DHX30: variants seen among roughly 807,000 people sequenced by gnomAD.
DHX30 encodes the protein DExH-box helicase 30.
A neutral mutation model predicts 116.9 loss-of-function variants in DHX30; 4 were observed. The ratio of observed to expected loss-of-function variants is 0.03; its 90% confidence interval spans 0.02 to 0.08. The LOEUF is 0.08. DHX30 is among the 10% of genes least tolerant of loss of function. The pLI is 1.00. For synonymous variants in DHX30, 697 were observed against 651.7 expected (o/e 1.07, Z -1.06); for missense variants, 871 against 1,595.1 (o/e 0.55, Z 7.73).
chr3:47,808,286 A>C (rs937630741), intron 2 of DHX30, among the ~76,000 whole-genome samples: 1 of 151,408 alleles, frequency 6.6e-6, no homozygotes, highest in Non-Finnish European at 1.5e-5. Context: ...GCGTGATCAC[A>C]GCTCACTGTA....
At chr3:47,816,581 C>A in intron 3 of DHX30, 1 of 975,082 alleles carries the variant, frequency 1.0e-6, no homozygotes, top group African/African-American at 1.8e-5. Flanking sequence ...TGGTCTCGAT[C>A]TCTTGACCTT....
chr3:47,841,310 T>G, intron 7 of DHX30, 132 bp downstream of exon 7: 1 of 1,341,062 alleles, frequency 7.5e-7, no homozygotes, highest in Non-Finnish European at 1.0e-6. Context: ...GCCCCATCAC[T>G]CAGTGTGTGT....
chr3:47,832,411 T>C lies in DHX30; in HGVS notation c.366+3277T>C, dbSNP rs2036901983. ...TATGTTGTCTAGGCAGGTCTTGAAC[T>C]CCAGAGCTCCTGCCTCAGCTTCCAG... On this transcript the variant is annotated intron_variant, in intron 6 of 21. Coordinates refer to ENST00000445061, the MANE Select transcript of DHX30 (RefSeq NM_138615.3). 2.0e-5 allele frequency among the ~76,000 whole-genome samples: 3 copies of C among 152,268 alleles called. No individual in the cohort carries two copies. In the South Asian group the frequency reaches 6.2e-4, roughly 32 times the overall value.
chr3:47,847,055 C>G lies in DHX30; in HGVS notation c.1929+54C>G. The G allele has an allele frequency of 6.4e-7, 1 of 1,569,368 alleles. No individual in the cohort carries two copies. Among genetic ancestry groups the G allele is most frequent in the Non-Finnish European group, 8.7e-7 (1 of 1,155,368 alleles). On this transcript the variant is annotated intron_variant, in intron 11 of 21. Coordinates refer to ENST00000445061, the MANE Select transcript of DHX30 (RefSeq NM_138615.3). This position sits in a 1 kb window ranked among gnomAD's most constrained non-coding sequence, Gnocchi z 5.5. ...CTCCTGGCCTTTCCTCCGTGGATGCCCCTCCTCCCTGGCCCTGGGGCTTGG... is the reference window on the plus strand; with the variant it reads ...CTCCTGGCCTTTCCTCCGTGGATGCGCCTCCTCCCTGGCCCTGGGGCTTGG...
Position 47,840,918 on chromosome 3 carries a change from A to C in DHX30, c.408A>C (p.Ala136=). 6.2e-7 allele frequency: 1 copy of C among 1,614,180 alleles called. No individual in the cohort carries two copies. The highest frequency in any genetic ancestry group is 8.5e-7 in the Non-Finnish European group (1 of 1,180,026). Residue 136 remains alanine (A), a synonymous_variant, in exon 7 of 22, where the codon GCA becomes GCC. Coordinates refer to ENST00000445061, the MANE Select transcript of DHX30 (RefSeq NM_138615.3). ...GTCCCCGGAATGAGTTGTTTGACGCAGCCAAATACCGAGTGCTAGCTGATC... is the reference window on the plus strand; with the variant it reads ...GTCCCCGGAATGAGTTGTTTGACGCCGCCAAATACCGAGTGCTAGCTGATC... ...LLGPRNELFD[A]AKYRVLADRF... is the part of the protein sequence containing the mutation.
At chr3:47,839,836 C>T (rs934365849) in intron 6 of DHX30, among the ~76,000 whole-genome samples, 10 of 151,014 alleles carry the variant, frequency 6.6e-5, no homozygotes, top group African/African-American at 9.7e-5. Flanking sequence ...CCACCACGCC[C>T]GGCTAATTTT....
chr3:47,803,377 C>A (rs2035374059), intron 1 of DHX30, among the ~76,000 whole-genome samples, 165 bp downstream of exon 1: 1 of 152,014 alleles, frequency 6.6e-6, no homozygotes, highest in Non-Finnish European at 1.5e-5. Context: ...CTAGGCCTGC[C>A]CGGGAAGCCG....
Position 47,847,092 on chromosome 3 carries a change from A to G in DHX30, c.1929+91A>G. 3 of 1,519,450 alleles carry G rather than the reference A, an allele frequency of 2.0e-6. No homozygotes were observed. The highest frequency in any genetic ancestry group is 2.7e-6 in the Non-Finnish European group (3 of 1,115,850). 94.1% of individuals were successfully genotyped at this position (1,519,450 alleles called of 1,614,324 possible). ...GCCCTGGGGCTTGGTGCCTGGGGCA[A>G]GTTACCCTCCCCAGTCCTCGGTTTC... On this transcript the variant is annotated intron_variant, in intron 11 of 21. Coordinates refer to ENST00000445061, the MANE Select transcript of DHX30 (RefSeq NM_138615.3). This position sits in a 1 kb window ranked among gnomAD's most constrained non-coding sequence, Gnocchi z 5.5.
chr3:47,822,227 T>C (rs1195012187), intron 4 of DHX30: 1 of 152,128 alleles, frequency 6.6e-6, no homozygotes, highest in African/African-American at 2.4e-5. Context: ...ACAAGAGTCA[T>C]TGAGGTTTGT....
chr3:47,835,171 T>A (rs1273137212), intron 6 of DHX30, among the ~76,000 whole-genome samples: 2 of 126,136 alleles, frequency 1.6e-5, no homozygotes, highest in Non-Finnish European at 3.2e-5. Context: ...GCCTGGCTAA[T>A]TTTTTTTTTT....
intron 6 of DHX30, chr3:47,831,038 G>T (rs2036824321): frequency 1.3e-5 from 2 of 151,784 alleles, no homozygotes; most frequent in Admixed American, 1.3e-4. Flanking sequence ...GCTATTCTGG[G>T]CCCCCATAGT....
chr3:47,837,356 G>A (rs2037169954), intron 6 of DHX30, among the ~76,000 whole-genome samples: 1 of 152,212 alleles, frequency 6.6e-6, no homozygotes, highest in Non-Finnish European at 1.5e-5. Flanking sequence ...TTGATAGAAT[G>A]ACACAGCCAA....
At chr3:47,844,543 C>T (rs928036469) in intron 9 of DHX30, among the ~76,000 whole-genome samples, 1 of 152,230 alleles carries the variant, frequency 6.6e-6, no homozygotes, top group Non-Finnish European at 1.5e-5. Flanking sequence ...GTGTTGGCAC[C>T]TCCTGTGGTA....
rs138599337 is a variant in DHX30, at chr3:47,845,738, A to T, written c.978A>T (p.Thr326=). 2 of 1,609,920 alleles carry T rather than the reference A, an allele frequency of 1.2e-6. No homozygotes were observed. Among genetic ancestry groups the T allele is most frequent in the African/African-American group, 1.3e-5 (1 of 74,978 alleles). The change falls in exon 10 of 22, where the codon ACA becomes ACT. Residue 326 remains threonine, a synonymous_variant. Transcript: ENST00000445061. ...GLVDRNNEPL[T]HAMYNLASLR... is the part of the protein sequence containing the mutation. Reference sequence around the variant, plus strand: ...TGGACAGGAACAACGAACCGCTTACACACGCCATGTATAACCTGGCCTCTT... The same window carrying T: ...TGGACAGGAACAACGAACCGCTTACTCACGCCATGTATAACCTGGCCTCTT...
At chr3:47,808,973 C>CT (rs1291009301) in intron 2 of DHX30, among the ~76,000 whole-genome samples, 2 of 152,044 alleles carry the variant, frequency 1.3e-5, no homozygotes, top group African/African-American at 2.4e-5. Context: ...ACTGCAACCT[C>CT]TGCTTCCCGG....
At position 47,849,729 on chromosome 3, in the gene DHX30, A is replaced by G. The variant is rs200482086; in HGVS notation, c.3291A>G (p.Leu1097=). 9 of 1,614,094 alleles carry G rather than the reference A, an allele frequency of 5.6e-6. No individual in the cohort carries two copies. The highest frequency in any genetic ancestry group is 7.6e-6 in the Non-Finnish European group (9 of 1,180,008). The change falls in exon 21 of 22, where the codon CTA becomes CTG. Residue 1097 remains leucine (L), a synonymous_variant. Transcript: ENST00000445061. Reference sequence around the variant, plus strand: ...GGGACTCCTCTCAGGTGCACCCGCTAGCTGTGCTGCTGCTGACCGACGGGG... The same window carrying G: ...GGGACTCCTCTCAGGTGCACCCGCTGGCTGTGCTGCTGCTGACCGACGGGG... The part of the protein sequence containing the change: ...FVRDSSQVHP[L]AVLLLTDGDV...
At chr3:47,844,258 C>T (rs1021564767) in intron 9 of DHX30, among the ~76,000 whole-genome samples, 1 of 152,104 alleles carries the variant, frequency 6.6e-6, no homozygotes, top group Non-Finnish European at 1.5e-5. Flanking sequence ...TGGAGAAAGA[C>T]GAGGAAGAGG....
At chr3:47,813,173 C>G (rs1198695144) in intron 3 of DHX30, among the ~76,000 whole-genome samples, 1 of 151,796 alleles carries the variant, frequency 6.6e-6, no homozygotes, top group Non-Finnish European at 1.5e-5. Context: ...CCCGTCTCTA[C>G]TAAAAATACA....
At chr3:47,832,940 C>CTTT (rs752858732) in intron 6 of DHX30, among the ~76,000 whole-genome samples, 26 of 118,684 alleles carry the variant, frequency 2.2e-4, no homozygotes, top group East Asian at 2.4e-4. Context: ...TGCCTGGCCT[C>CTTT]TTTTTTTTTT....
Sources: allele counts gnomAD v4.1 joint callset (sites outside exome capture counted in the v4.1 genomes callset), GRCh38; gene constraint gnomAD v4.1.1; non-coding constraint Gnocchi (gnomAD v3.1); transcripts MANE v1.5; gene names NCBI Gene and HGNC (gene_info 2026-07-23, HGNC 2026-07-21).